The following GREB1 variants were observed in gnomAD, a reference collection of about 807,000 sequenced individuals.
GREB1 encodes the protein protein GREB1.
A neutral mutation model predicts 200.7 loss-of-function variants in GREB1; 106 were observed. The ratio of observed to expected loss-of-function variants is 0.53; its 90% confidence interval spans 0.45 to 0.62. The LOEUF (loss-of-function observed/expected upper bound fraction) is 0.62. GREB1 is among the 20% of genes least tolerant of loss of function. The probability of loss-of-function intolerance (pLI) is 0.00; values close to 1 mark genes in which losing one functional copy is unlikely to be tolerated. For missense variants in GREB1, 2,243 were observed against 2,556.8 expected (o/e 0.88, Z 2.65); for synonymous variants, 1,132 against 1,092.4 (o/e 1.04, Z -0.72).
chr2:11,637,219 G>GA (rs1310480126), intron 30 of GREB1, among the ~76,000 whole-genome samples: 2 of 152,160 alleles, frequency 1.3e-5, no homozygotes, highest in Non-Finnish European at 1.5e-5. Context: ...CCAGCTATGG[G>GA]AAAGTTCCAG....
chr2:11,528,885 G>A (rs533943110), intron 1 of GREB1, among the ~76,000 whole-genome samples: 2 of 152,186 alleles, frequency 1.3e-5, no homozygotes, highest in South Asian at 4.2e-4. Flanking sequence ...AACTAGCTTT[G>A]GCAGTTCTCT....
chr2:11,555,141 T>C (rs1676307928), intron 1 of GREB1, among the ~76,000 whole-genome samples: 1 of 152,198 alleles, frequency 6.6e-6, no homozygotes, highest in Non-Finnish European at 1.5e-5. Context: ...ATAAAGTAAC[T>C]ATTTTGAAAA....
intron 1 of GREB1, among the ~76,000 whole-genome samples, chr2:11,551,903 T>C (rs951275805): frequency 2.0e-5 from 3 of 152,272 alleles, no homozygotes; most frequent in African/African-American, 7.2e-5. Flanking sequence ...GTAGCACTTA[T>C]GGACAATAGT....
Position 11,625,180 on chromosome 2 carries a change from T to C in GREB1, c.4174T>C (p.Tyr1392His), listed in dbSNP as rs776394756. The change falls in exon 24 of 33, where the codon TAT becomes CAT. Residue 1392 changes from tyrosine (Y) to histidine (H), a missense_variant. Around this residue, in one of 3 missense-constraint regions of GREB1, gnomAD observed 587 missense variants for 553.1 expected, o/e 1.06. Coordinates refer to ENST00000381486, the MANE Select transcript of GREB1 (RefSeq NM_014668.4). ...INLREESDWHYLQLSDPWPDL... is the reference protein window; with the variant it reads ...INLREESDWHHLQLSDPWPDL... ...CCTCAGAGAAGAATCTGACTGGCAT[T>C]ATCTCCAGCTTAGCGACCCCTGGCC... The C allele has an allele frequency of 1.9e-6, 3 of 1,614,004 alleles. No homozygotes were observed. Among genetic ancestry groups the C allele is most frequent in the Admixed American group, 3.3e-5 (2 of 60,026 alleles).
intron 17 of GREB1, among the ~76,000 whole-genome samples, chr2:11,604,292 G>A (rs569662578): frequency 3.6e-4 from 55 of 152,296 alleles, no homozygotes; most frequent in African/African-American, 1.2e-3. Flanking sequence ...TGAATCTGCC[G>A]TTAACCAGCT....
At chr2:11,575,248 G>GGGGAGACATACC (rs1678726497) in intron 4 of GREB1, among the ~76,000 whole-genome samples, 1 of 152,162 alleles carries the variant, frequency 6.6e-6, no homozygotes, top group African/African-American at 2.4e-5. Flanking sequence ...AAAGACCTTT[G>GGGGAGACATACC]AGCCCAAAGA....
rs781355901 is a variant in GREB1, at chr2:11,630,110, G to A, written c.4611+1G>A. ...GCGACTACCCCTCGTGACAGACAAG[G>A]TACTGGCTCAGAGACCTAGTGGGAC... is the stretch of plus-strand genomic sequence containing the variant. On this transcript the variant is annotated splice_donor_variant, in intron 26 of 32. Transcript: ENST00000381486. LOFTEE classifies it high-confidence loss of function. The A allele has an allele frequency of 1.2e-6, 2 of 1,614,100 alleles. No individual in the cohort carries two copies. Among genetic ancestry groups the A allele is most frequent in the Non-Finnish European group, 1.7e-6 (2 of 1,179,978 alleles).
chr2:11,579,175 C>T (rs892947118), intron 6 of GREB1, among the ~76,000 whole-genome samples: 6 of 152,244 alleles, frequency 3.9e-5, no homozygotes, highest in African/African-American at 1.4e-4. Context: ...CCTGGCCCAT[C>T]CATCGCCTGG....
chr2:11,611,774 G>T (rs950939371), intron 18 of GREB1, among the ~76,000 whole-genome samples: 2 of 152,178 alleles, frequency 1.3e-5, no homozygotes, highest in Admixed American at 1.3e-4. Flanking sequence ...CACAGCGCCT[G>T]GCCCATAGTA....
rs142387038 is a variant in GREB1, at chr2:11,593,308, C to G, written c.1696+182C>G. ...CCTTGACTAGTGACTTAGTTACAATCTCATCCCTGCTCTGAGTGGCTGGTG... is the reference window on the plus strand; with the variant it reads ...CCTTGACTAGTGACTTAGTTACAATGTCATCCCTGCTCTGAGTGGCTGGTG... On this transcript the variant is annotated intron_variant, in intron 11 of 32. Transcript: ENST00000381486. Among the ~76,000 whole-genome samples, 14 of 152,342 alleles carry G rather than the reference C, an allele frequency of 9.2e-5. No individual in the cohort carries two copies. The East Asian group carries it at 2.7e-3, about 29-fold the overall frequency.
chr2:11,601,105 C>A, intron 16 of GREB1, 110 bp downstream of exon 16: 1 of 824,836 alleles, frequency 1.2e-6, no homozygotes, highest in Non-Finnish European at 1.9e-6. Context: ...TGGGTTCCAG[C>A]TCCTTGGATC....
At chr2:11,567,491 G>A (rs139435806) in intron 4 of GREB1, among the ~76,000 whole-genome samples, 1 of 152,142 alleles carries the variant, frequency 6.6e-6, no homozygotes, top group African/African-American at 2.4e-5. Flanking sequence ...TCAAGGCCGC[G>A]TGAGTAAAGA....
rs142152139 is a variant in GREB1, at chr2:11,492,105, T to A, written c.-159+9724T>A. The stretch of plus-strand genomic sequence containing the variant: ...CCCCATGGCTCTTCCAGCCGTCTGG[T>A]TGACTCCCTGCCTGGCTACCATGCA... On this transcript the variant is annotated intron_variant, in intron 1 of 2. Transcript: ENST00000628795. The surrounding 1 kb of genome is among the most constrained non-coding windows in gnomAD (Gnocchi z 4.0). Among the ~76,000 whole-genome samples the A allele has an allele frequency of 3.5e-3, 528 of 152,322 alleles. 5 individuals carry two copies. The highest frequency in any genetic ancestry group is 0.012 in the African/African-American group (505 of 41,576).
rs1041358019 is a variant in GREB1 at position 11,605,015 on chromosome 2, A to C, written c.2666+2473A>C. Among the ~76,000 whole-genome samples the C allele has an allele frequency of 5.3e-5, 8 of 152,036 alleles. 1 individual carries two copies. Among genetic ancestry groups the C allele is most frequent in the Non-Finnish European group, 7.4e-5 (5 of 67,954 alleles). ...TTTTATTCTAATATATTGTCTATGG[A>C]ACTTTTTTCCTTTAGTACCTACCAC... On this transcript the variant is annotated intron_variant, in intron 17 of 32. Transcript: ENST00000381486.
In GREB1 at chr2:11,637,278, G is replaced by A. The variant is rs369423133; in HGVS notation, c.5347-438G>A. On this transcript the variant is annotated intron_variant, in intron 30 of 32. Transcript: ENST00000381486. ...GGGAAGCAGTGAGAGTCTGATTTAC[G>A]TAGATGTAAACGTGTTGGTGATGGA... 8.6e-5 allele frequency among the ~76,000 whole-genome samples: 13 copies of A among 150,830 alleles called. No individual in the cohort carries two copies. In the East Asian group the frequency reaches 2.2e-3, roughly 25 times the overall value.
In GREB1 at chr2:11,593,180, C is replaced by A. The variant is rs1389058335; in HGVS notation, c.1696+54C>A. 2.0e-5 allele frequency: 25 copies of A among 1,253,522 alleles called. No homozygotes were observed. In the Admixed American group the frequency reaches 5.8e-4, roughly 29 times the overall value. 77.6% of individuals were successfully genotyped at this position (1,253,522 alleles called of 1,614,324 possible). ...AAGCCCCCTGAACGGTGTTCCCGGT[C>A]CCCTCCTTTGGTGGTTCTCTCCCTT... On this transcript the variant is annotated intron_variant, in intron 11 of 32. Transcript: ENST00000381486.
intron 13 of GREB1, 123 bp downstream of exon 13, chr2:11,596,362 G>T: frequency 1.3e-6 from 1 of 752,888 alleles, no homozygotes; most frequent in Admixed American, 2.6e-5. Context: ...CAGTGAGGGG[G>T]CAGGGGCACA....
intron 1 of GREB1, among the ~76,000 whole-genome samples, chr2:11,484,358 T>TA (rs1216337794): frequency 1.3e-5 from 2 of 152,084 alleles, no homozygotes; most frequent in Non-Finnish European, 2.9e-5. Flanking sequence ...CTGGTTCATT[T>TA]AAAGTTTGCA....
At chr2:11,579,683 TC>T (rs1464772926) in intron 6 of GREB1, among the ~76,000 whole-genome samples, 1 of 152,200 alleles carries the variant, frequency 6.6e-6, no homozygotes, top group African/African-American at 2.4e-5. Context: ...AGAGCCAGCC[TC>T]TTAAACCCAC....
Sources: gnomAD v4.1 joint callset for allele counts (sites outside exome capture counted in the v4.1 genomes callset) on GRCh38, gnomAD v4.1.1 for gene constraint, gnomAD v4.1.1 regional missense constraint, Gnocchi (gnomAD v3.1) non-coding constraint, MANE v1.5 for transcripts, NCBI Gene and HGNC (gene_info 2026-07-23, HGNC 2026-07-21) for gene names.